The following MAP2K4 variants were observed in gnomAD, a reference collection of about 807,000 sequenced individuals.
The protein encoded by MAP2K4 is dual specificity mitogen-activated protein kinase kinase 4.
A neutral mutation model predicts 48.5 loss-of-function variants in MAP2K4; 4 were observed. That is an observed-to-expected ratio of 0.08 (90% CI 0.04 to 0.19). MAP2K4 has a LOEUF of 0.19. MAP2K4 is among the 10% of genes least tolerant of loss of function. The pLI, the probability that MAP2K4 is intolerant of heterozygous loss-of-function variation, is 1.00. For synonymous variants in MAP2K4, 166 were observed against 173.1 expected, an observed-to-expected ratio of 0.96 and a Z score of 0.32; for missense variants, 258 against 493.3, an observed-to-expected ratio of 0.52 and a Z score of 4.52.
rs549829508 is a variant in MAP2K4 at position 12,091,836 on chromosome 17, G to C, written c.394-3739G>C. Among the ~76,000 whole-genome samples, 27 of 152,222 alleles carry C rather than the reference G, an allele frequency of 1.8e-4. No individual in the cohort carries two copies. The South Asian group carries it at 5.4e-3, about 30-fold the overall frequency. On this transcript the variant is annotated intron_variant, in intron 3 of 10. Coordinates refer to ENST00000353533, the MANE Select transcript of MAP2K4 (RefSeq NM_003010.4). ...ATAGAAAACTACTTATATATGTAGA[G>C]TAGTAATTTTTGTTTTGATTTTCAA...
intron 4 of MAP2K4, among the ~76,000 whole-genome samples, chr17:12,096,089 G>A (rs970956901): frequency 0.012 from 212 of 17,392 alleles, 4 homozygotes; most frequent in Middle Eastern, 0.031. Flanking sequence ...CCCCCCCCCC[G>A]CCGCCAACTT....
chr17:12,083,349 A>G (rs1971253537), intron 3 of MAP2K4, among the ~76,000 whole-genome samples: 1 of 152,210 alleles, frequency 6.6e-6, no homozygotes, highest in Non-Finnish European at 1.5e-5. Flanking sequence ...ATCATTTGTA[A>G]TGTTACATTA....
chr17:12,111,597 CT>C (rs1280765620), intron 6 of MAP2K4, among the ~76,000 whole-genome samples: 1 of 151,658 alleles, frequency 6.6e-6, no homozygotes, highest in African/African-American at 2.4e-5. Context: ...CACCAAGGTA[CT>C]GCCTGGGGAG....
At chr17:12,048,015 T>C (rs1000824252) in intron 1 of MAP2K4, among the ~76,000 whole-genome samples, 2 of 152,190 alleles carry the variant, frequency 1.3e-5, no homozygotes, top group African/African-American at 4.8e-5. Context: ...TCCTACCCTT[T>C]AACCTCCTTG....
chr17:12,049,125 A>G (rs1332804442), intron 1 of MAP2K4, among the ~76,000 whole-genome samples: 1 of 152,228 alleles, frequency 6.6e-6, no homozygotes, highest in Admixed American at 6.5e-5. Context: ...TACTCATTTC[A>G]TAACCAGTGA....
chr17:12,105,147 A>G (rs978001323), intron 4 of MAP2K4, among the ~76,000 whole-genome samples: 2 of 152,106 alleles, frequency 1.3e-5, no homozygotes, highest in African/African-American at 4.8e-5. Flanking sequence ...CTTTAAAATT[A>G]TCTTAGTTAT....
chr17:12,075,538 A>G (rs1391436539), intron 2 of MAP2K4, among the ~76,000 whole-genome samples: 1 of 152,242 alleles, frequency 6.6e-6, no homozygotes, highest in Non-Finnish European at 1.5e-5. Flanking sequence ...CAGCGATAAC[A>G]AAACAAACAC....
chr17:12,045,904 G>T (rs1439889968), intron 1 of MAP2K4, among the ~76,000 whole-genome samples: 1 of 152,212 alleles, frequency 6.6e-6, no homozygotes, highest in Admixed American at 6.5e-5. Context: ...ATTTGCCAGA[G>T]ATTTAGGCAT....
At chr17:12,046,384 T>C (rs1969964635) in intron 1 of MAP2K4, among the ~76,000 whole-genome samples, 1 of 152,198 alleles carries the variant, frequency 6.6e-6, no homozygotes, top group South Asian at 2.1e-4. Context: ...TAAAATGTTG[T>C]TAAATTTAGC....
chr17:12,107,163 T>G (rs770174676), intron 4 of MAP2K4, among the ~76,000 whole-genome samples: 3 of 152,078 alleles, frequency 2.0e-5, no homozygotes, highest in Non-Finnish European at 4.4e-5. Context: ...CTGGCAGAGG[T>G]TACATTCTAG....
intron 2 of MAP2K4, among the ~76,000 whole-genome samples, chr17:12,076,658 G>A (rs937139367): frequency 1.5e-4 from 23 of 152,062 alleles, no homozygotes; most frequent in Admixed American, 7.9e-4. Flanking sequence ...TGCATGTTTC[G>A]CAAAAGTTAG....
At chr17:12,115,357 T>C (rs1972456529) in intron 7 of MAP2K4, among the ~76,000 whole-genome samples, 1 of 152,200 alleles carries the variant, frequency 6.6e-6, no homozygotes, top group South Asian at 2.1e-4. Flanking sequence ...ACCTAGATGG[T>C]ATAGCCTACT....
At chr17:12,072,724 A>G (rs1394288831) in intron 2 of MAP2K4, among the ~76,000 whole-genome samples, 1 of 152,166 alleles carries the variant, frequency 6.6e-6, no homozygotes, top group Non-Finnish European at 1.5e-5. Flanking sequence ...AATACCCTAG[A>G]TTTCAGGTCT....
intron 1 of MAP2K4, among the ~76,000 whole-genome samples, chr17:12,054,349 T>C (rs1197520811): frequency 6.6e-6 from 1 of 152,172 alleles, no homozygotes; most frequent in Non-Finnish European, 1.5e-5. Context: ...TTGGTATCTC[T>C]TCCCTTCCTA....
intron 1 of MAP2K4, among the ~76,000 whole-genome samples, chr17:12,044,241 AAG>A (rs1969887647): frequency 6.6e-6 from 1 of 152,178 alleles, no homozygotes; most frequent in African/African-American, 2.4e-5. Flanking sequence ...ATCTGGGAAA[AAG>A]AGTGGTAATC....
chr17:12,061,265 AAAT>A (rs2151531129), intron 2 of MAP2K4, among the ~76,000 whole-genome samples: 1 of 152,314 alleles, frequency 6.6e-6, no homozygotes, highest in African/African-American at 2.4e-5. Flanking sequence ...TGGCTCTAGT[AAAT>A]AATGATGCTG....
intron 3 of MAP2K4, among the ~76,000 whole-genome samples, chr17:12,092,811 GGTCAGGA>G (rs1393068518): frequency 6.6e-6 from 1 of 152,140 alleles, no homozygotes; most frequent in Non-Finnish European, 1.5e-5. Flanking sequence ...CGGATCACGA[GGTCAGGA>G]GATCGAGACT....
intron 6 of MAP2K4, among the ~76,000 whole-genome samples, chr17:12,112,232 G>T (rs1393871754): frequency 6.6e-6 from 1 of 152,132 alleles, no homozygotes; most frequent in African/African-American, 2.4e-5. Context: ...GGAGACCAAG[G>T]CAGCTGGATC....
At chr17:12,034,672 T>C (rs551702528) in intron 1 of MAP2K4, among the ~76,000 whole-genome samples, 1 of 152,368 alleles carries the variant, frequency 6.6e-6, no homozygotes, top group South Asian at 2.1e-4. Flanking sequence ...GAGTTGATCC[T>C]ACATTGATTA....
Sources: allele counts gnomAD v4.1 joint callset (sites outside exome capture counted in the v4.1 genomes callset), GRCh38; gene constraint gnomAD v4.1.1; transcripts MANE v1.5; gene names NCBI Gene and HGNC (gene_info 2026-07-23, HGNC 2026-07-21).